Variants in ARK2C observed in about 807,000 individuals in gnomAD.
ARK2C encodes the protein E3 ubiquitin-protein ligase ARK2C.
the ARK2C span, among the ~76,000 whole-genome samples, chr18:46,390,703 G>A: frequency 6.6e-6 from 1 of 152,190 alleles, no homozygotes; most frequent in Non-Finnish European, 1.5e-5. Context: ...AGGCTAAGGA[G>A]ATACAAAGGA....
the ARK2C span, among the ~76,000 whole-genome samples, chr18:46,404,886 A>T: frequency 2.0e-5 from 3 of 152,178 alleles, no homozygotes; most frequent in Non-Finnish European, 4.4e-5. Context: ...AAACAGAGGC[A>T]TAGGAAGTTC....
chr18:46,444,825 G>C, the ARK2C span, among the ~76,000 whole-genome samples: 2 of 151,922 alleles, frequency 1.3e-5, no homozygotes, highest in African/African-American at 4.8e-5. Flanking sequence ...CTTTTCTTTT[G>C]TAGTATCTAA....
the ARK2C span, among the ~76,000 whole-genome samples, chr18:46,389,535 C>G: frequency 3.3e-5 from 5 of 152,168 alleles, no homozygotes; most frequent in African/African-American, 9.7e-5. Flanking sequence ...TCTCCCACCC[C>G]GGTCTAGAGT....
the ARK2C span, among the ~76,000 whole-genome samples, chr18:46,342,080 A>C: frequency 6.6e-6 from 1 of 152,146 alleles, no homozygotes; most frequent in Admixed American, 6.5e-5. Flanking sequence ...TCGCAATTCA[A>C]AGCTCTCTCT....
the ARK2C span, among the ~76,000 whole-genome samples, chr18:46,373,394 G>A: frequency 6.6e-6 from 1 of 152,334 alleles, no homozygotes; most frequent in African/African-American, 2.4e-5. Context: ...GAGGGACTGG[G>A]CAAGAGTCAC....
the ARK2C span, among the ~76,000 whole-genome samples, chr18:46,371,649 C>A: frequency 6.6e-6 from 1 of 152,214 alleles, no homozygotes; most frequent in African/African-American, 2.4e-5. Context: ...TGATGATAAG[C>A]CTCTCTGGGA....
the ARK2C span, among the ~76,000 whole-genome samples, chr18:46,392,079 C>T: frequency 6.6e-6 from 1 of 151,914 alleles, no homozygotes; most frequent in African/African-American, 2.4e-5. Flanking sequence ...ATATACAACA[C>T]ACAACATACA....
chr18:46,412,974 G>A, the ARK2C span, among the ~76,000 whole-genome samples: 1 of 152,154 alleles, frequency 6.6e-6, no homozygotes, highest in South Asian at 2.1e-4. Context: ...CAAAGAATGA[G>A]GGATGCTTGC....
chr18:46,387,578 G>A, the ARK2C span, among the ~76,000 whole-genome samples: 2 of 152,268 alleles, frequency 1.3e-5, no homozygotes, highest in East Asian at 1.9e-4. Flanking sequence ...CCTGGGTGTA[G>A]CTCTGGAGGG....
At chr18:46,354,443 T>C in the ARK2C span, among the ~76,000 whole-genome samples, 1 of 152,240 alleles carries the variant, frequency 6.6e-6, no homozygotes, top group South Asian at 2.1e-4. Context: ...GGAGAACACA[T>C]GATCAGGGCC....
the ARK2C span, among the ~76,000 whole-genome samples, chr18:46,344,112 C>T: frequency 4.6e-5 from 7 of 152,330 alleles, no homozygotes; most frequent in Non-Finnish European, 7.4e-5. Flanking sequence ...CCTCCCCTGA[C>T]GACACTGTAT....
At chr18:46,440,862 T>G in the ARK2C span, among the ~76,000 whole-genome samples, 1 of 149,444 alleles carries the variant, frequency 6.7e-6, no homozygotes, top group African/African-American at 2.5e-5. Flanking sequence ...GTTTATAGGG[T>G]TTTTTTTTTC....
the ARK2C span, among the ~76,000 whole-genome samples, chr18:46,349,375 C>A: frequency 1.3e-5 from 2 of 152,128 alleles, no homozygotes; most frequent in African/African-American, 4.8e-5. Context: ...TCCTCTGGGG[C>A]CTCTTTTATA....
the ARK2C span, among the ~76,000 whole-genome samples, chr18:46,340,660 G>A: frequency 2.0e-5 from 3 of 152,228 alleles, no homozygotes; most frequent in African/African-American, 7.2e-5. Flanking sequence ...ACCTGGAAGG[G>A]TGATCTTAGG....
chr18:46,362,517 G>A, the ARK2C span, among the ~76,000 whole-genome samples: 5 of 152,274 alleles, frequency 3.3e-5, no homozygotes, highest in African/African-American at 1.2e-4. Flanking sequence ...TGTCACTCAG[G>A]GGTTTTCTGT....
chr18:46,450,452 TATC>T, the ARK2C span: 2 of 1,326,212 alleles, frequency 1.5e-6, no homozygotes, highest in Non-Finnish European at 2.2e-6. Flanking sequence ...CCATTATTGT[TATC>T]ATCCCTTTTC....
chr18:46,352,656 A>G, the ARK2C span, among the ~76,000 whole-genome samples: 1 of 152,198 alleles, frequency 6.6e-6, no homozygotes, highest in South Asian at 2.1e-4. Flanking sequence ...AAGCATCAAG[A>G]TGGAGGAAGA....
the ARK2C span, among the ~76,000 whole-genome samples, chr18:46,428,393 G>A: frequency 5.3e-5 from 8 of 152,176 alleles, no homozygotes; most frequent in Admixed American, 5.2e-4. Context: ...TGGTGACAGA[G>A]CGAGACTCCA....
the ARK2C span, among the ~76,000 whole-genome samples, chr18:46,402,910 A>G: frequency 6.6e-6 from 1 of 152,310 alleles, no homozygotes; most frequent in African/African-American, 2.4e-5. Context: ...GTGTCTCAGG[A>G]CACTAGACAG....
Sources: gnomAD v4.1 joint callset for allele counts (sites outside exome capture counted in the v4.1 genomes callset) on GRCh38, gnomAD v4.1.1 for gene constraint, MANE v1.5 for transcripts, NCBI Gene and HGNC (gene_info 2026-07-23, HGNC 2026-07-21) for gene names.